The following TUSC3 variants were observed in gnomAD, a reference collection of about 807,000 sequenced individuals.
TUSC3 encodes tumor suppressor candidate 3.
Under a neutral mutation model 44.8 loss-of-function variants are expected in TUSC3, and 45 were observed. The ratio of observed to expected loss-of-function variants is 1.00; its 90% CI spans 0.79 to 1.29. TUSC3 has a LOEUF of 1.29. Ranked by LOEUF, TUSC3 falls within the 50% of genes most tolerant of loss-of-function variation. The probability of loss-of-function intolerance (pLI) is 0.00; values close to 1 mark genes in which losing one functional copy is unlikely to be tolerated. For missense variants in TUSC3, 519 were observed against 437.9 expected, an observed-to-expected ratio of 1.19 and a Z score of -1.65; for synonymous variants, 212 against 152.9, an observed-to-expected ratio of 1.39 and a Z score of -2.85.
chr8:15,836,596 T>G, the TUSC3 span, among the ~76,000 whole-genome samples: 1,503 of 152,270 alleles, frequency 9.9e-3, 27 homozygotes, highest in African/African-American at 0.035. Context: ...TTTAAATACT[T>G]TTTTGGTTGA....
At chr8:15,723,692 T>C (rs1278605230) in intron 6 of TUSC3, among the ~76,000 whole-genome samples, 1 of 152,200 alleles carries the variant, frequency 6.6e-6, no homozygotes, top group Admixed American at 6.6e-5. Context: ...AGGAATCTTT[T>C]ATTAAAATGT....
intron 7 of TUSC3, 94 bp downstream of exon 7, chr8:15,730,823 T>C (rs1810692011): frequency 1.7e-6 from 2 of 1,199,292 alleles, no homozygotes; most frequent in Admixed American, 3.9e-5. Flanking sequence ...ATCAAGACTT[T>C]TAAGAGACAT....
At chr8:15,809,117 A>C in the TUSC3 span, among the ~76,000 whole-genome samples, 1 of 152,066 alleles carries the variant, frequency 6.6e-6, no homozygotes, top group African/African-American at 2.4e-5. Context: ...GTACCATCTT[A>C]AGTCATTCCA....
intron 7 of TUSC3, among the ~76,000 whole-genome samples, chr8:15,739,219 C>T (rs1198938406): frequency 6.6e-6 from 1 of 152,028 alleles, no homozygotes; most frequent in Non-Finnish European, 1.5e-5. Flanking sequence ...TATAGTTGGA[C>T]ATTTACATTT....
downstream of TUSC3, among the ~76,000 whole-genome samples, chr8:15,769,628 T>A (rs1812406385): frequency 6.6e-6 from 1 of 152,038 alleles, no homozygotes; most frequent in East Asian, 1.9e-4. Flanking sequence ...AAACTATGAT[T>A]AGAGCAAACA....
chr8:15,748,509 T>TA, intron 9 of TUSC3, 44 bp downstream of exon 9: 1 of 1,431,668 alleles, frequency 7.0e-7, no homozygotes, highest in Non-Finnish European at 9.8e-7. Context: ...TTTTAACTAA[T>TA]AGAACAGAGT....
intron 6 of TUSC3, among the ~76,000 whole-genome samples, chr8:15,700,836 G>C (rs1033158581): frequency 1.4e-5 from 2 of 141,220 alleles, no homozygotes; most frequent in Non-Finnish European, 3.0e-5. Context: ...TTCACTAGAG[G>C]GAATGGCTGG....
chr8:15,655,009 C>T (rs983035422), intron 3 of TUSC3, among the ~76,000 whole-genome samples: 2 of 152,066 alleles, frequency 1.3e-5, no homozygotes, highest in African/African-American at 2.4e-5. Context: ...GTACCTTTCT[C>T]ATAAAACTGT....
chr8:15,637,978 A>T (rs913529845), intron 2 of TUSC3, among the ~76,000 whole-genome samples: 11 of 152,062 alleles, frequency 7.2e-5, no homozygotes, highest in Non-Finnish European at 1.5e-4. Flanking sequence ...TGCTTCTTCT[A>T]AGTTGTTTCC....
intron 2 of TUSC3, among the ~76,000 whole-genome samples, chr8:15,531,011 G>A (rs1270055266): frequency 2.0e-5 from 3 of 152,118 alleles, no homozygotes; most frequent in African/African-American, 7.2e-5. Flanking sequence ...AGGGAAGAAA[G>A]CCTCAGGTCC....
rs1171135804 is a variant in TUSC3, at chr8:15,692,368, CCCCT to C, written c.798+18533_798+18536del. ...GAGTTTGGGAGGAGACCCCCCCCCC[CCCCT>C]TTGTTTTTTTTTTTTTTTTTTTTTT... On this transcript the variant is annotated intron_variant, in intron 6 of 10. Coordinates refer to ENST00000503731, the MANE Select transcript of TUSC3 (RefSeq NM_006765.4). 3.0e-5 allele frequency among the ~76,000 whole-genome samples: 3 copies of C among 101,488 alleles called. 1 individual carries two copies. Among genetic ancestry groups the C allele is most frequent in the African/African-American group, 1.1e-4 (3 of 26,406 alleles). 66.6% of individuals were successfully genotyped at this position (101,488 alleles called of 152,430 possible).
intron 1 of TUSC3, among the ~76,000 whole-genome samples, chr8:15,554,446 A>G (rs950447902): frequency 6.6e-6 from 1 of 151,514 alleles, no homozygotes; most frequent in African/African-American, 2.4e-5. Flanking sequence ...GGGTCTCTGA[A>G]TGACCAGGGT....
intron 1 of TUSC3, among the ~76,000 whole-genome samples, chr8:15,571,720 T>C (rs1802884829): frequency 6.6e-6 from 1 of 152,160 alleles, no homozygotes; most frequent in Non-Finnish European, 1.5e-5. Flanking sequence ...ATTTTACCCA[T>C]AGTCTGACTT....
At chr8:15,451,646 A>G (rs1800198513) in intron 1 of TUSC3, among the ~76,000 whole-genome samples, 1 of 152,150 alleles carries the variant, frequency 6.6e-6, no homozygotes, top group South Asian at 2.1e-4. Context: ...TCTTAGAATA[A>G]AAGAGTAATA....
intron 1 of TUSC3, among the ~76,000 whole-genome samples, chr8:15,596,085 C>G (rs1271251292): frequency 1.3e-5 from 2 of 152,138 alleles, no homozygotes. Context: ...AGTGATGTAA[C>G]ATTTATTTTC....
chr8:15,622,950 G>A (rs1350920524), intron 1 of TUSC3, 130 bp from the exon 2 acceptor site: 98 of 945,016 alleles, frequency 1.0e-4, no homozygotes, highest in Non-Finnish European at 1.5e-4. Flanking sequence ...CAGAAATATG[G>A]TCTTTTATCT....
chr8:15,433,991 T>C (rs1799912970), intron 1 of TUSC3, among the ~76,000 whole-genome samples: 3 of 152,178 alleles, frequency 2.0e-5, no homozygotes, highest in African/African-American at 7.2e-5. Context: ...GTGTAATTAC[T>C]GTGTCATATA....
intron 1 of TUSC3, among the ~76,000 whole-genome samples, chr8:15,541,260 G>T (rs1801681704): frequency 6.6e-6 from 1 of 152,212 alleles, no homozygotes; most frequent in African/African-American, 2.4e-5. Flanking sequence ...CTTTGAAAAG[G>T]TTGAGATTTG....
the TUSC3 span, among the ~76,000 whole-genome samples, chr8:15,811,440 G>A: frequency 3.9e-5 from 6 of 152,154 alleles, no homozygotes; most frequent in South Asian, 2.1e-4. Context: ...GGTCAAGCCC[G>A]GGGGTAGTTG....
Sources: allele counts gnomAD v4.1 joint callset (sites outside exome capture counted in the v4.1 genomes callset), GRCh38; gene constraint gnomAD v4.1.1; transcripts MANE v1.5; gene names NCBI Gene and HGNC (gene_info 2026-07-23, HGNC 2026-07-21).